The following PHTF1 variants were observed in gnomAD, a reference collection of about 807,000 sequenced individuals.
PHTF1 encodes protein PHTF1.
Under a neutral mutation model 102.4 loss-of-function variants are expected in PHTF1, and 88 were observed. That is an observed-to-expected ratio of 0.86 (90% CI 0.72 to 1.03). The LOEUF is 1.03. PHTF1 is among the 50% of genes least tolerant of loss of function. The pLI is 0.00. For synonymous variants in PHTF1, 289 were observed against 305.2 expected, an observed-to-expected ratio of 0.95 and a Z score of 0.55; for missense variants, 814 against 909.5, an observed-to-expected ratio of 0.89 and a Z score of 1.35.
At chr1:113,752,530 A>AGCTGGGACTACAGGC (rs71090730) in intron 3 of PHTF1, among the ~76,000 whole-genome samples, 114,355 of 149,150 alleles carry the variant, frequency 0.77, 44,778 homozygotes, top group African/African-American at 0.9. Flanking sequence ...CCTCCCCAGT[A>AGCTGGGACTACAGGC]GCCTGCAACC....
Position 113,711,840 on chromosome 1 carries a change from C to T in PHTF1, c.958-5G>A, listed in dbSNP as rs772639344. On this transcript the variant is annotated splice_region_variant and splice_polypyrimidine_tract_variant and intron_variant, in intron 9 of 18. Coordinates refer to ENST00000369604, the MANE Select transcript of PHTF1 (RefSeq NM_001323043.2). ...CCTTGTAGTGGTTTTCTTTACCTGC[C>T]AAAAATCAAACCAACAAGCAATAGG... 14 of 1,612,224 alleles carry T rather than the reference C, an allele frequency of 8.7e-6. 1 individual carries two copies. In the South Asian group the frequency reaches 1.5e-4, roughly 18 times the overall value.
intron 2 of PHTF1, among the ~76,000 whole-genome samples, 169 bp from the exon 3 acceptor site, chr1:113,757,924 A>C (rs1236261544): frequency 6.6e-6 from 1 of 152,230 alleles, no homozygotes; most frequent in Admixed American, 6.5e-5. Context: ...TTCCTTCAAA[A>C]ATCTAAAATA....
intron 8 of PHTF1, 132 bp downstream of exon 8, chr1:113,713,147 A>G (rs762927338): frequency 8.0e-6 from 6 of 753,718 alleles, no homozygotes; most frequent in South Asian, 6.3e-5. Context: ...TCTTCTTTTC[A>G]TATCCTGTGG....
chr1:113,706,583 T>A lies in PHTF1; in HGVS notation c.1398+11A>T. 6.4e-7 allele frequency: 1 copy of A among 1,569,778 alleles called. No homozygotes were observed. The highest frequency in any genetic ancestry group is 8.6e-7 in the Non-Finnish European group (1 of 1,165,850). On this transcript the variant is annotated intron_variant, in intron 12 of 18. Transcript: ENST00000369604. ...ATTTTTTGAAAAATCTGAAAACATA[T>A]TCAGTCTTACCCTGCTCATGATGAT... is the stretch of plus-strand genomic sequence containing the variant.
intron 7 of PHTF1, among the ~76,000 whole-genome samples, chr1:113,721,880 G>C (rs1653003620): frequency 6.6e-6 from 1 of 151,240 alleles, no homozygotes; most frequent in South Asian, 2.1e-4. Context: ...ATTTTTAGTA[G>C]AGACAGGGTT....
At chr1:113,726,387 T>C in intron 6 of PHTF1, 31 bp downstream of exon 6, 1 of 1,470,246 alleles carries the variant, frequency 6.8e-7, no homozygotes, top group Non-Finnish European at 9.4e-7. Flanking sequence ...TCCCAGAAAA[T>C]ATACAACTAC....
At chr1:113,758,362 G>T (rs904587609) in intron 2 of PHTF1, among the ~76,000 whole-genome samples, 1 of 152,002 alleles carries the variant, frequency 6.6e-6, no homozygotes, top group Admixed American at 6.5e-5. Flanking sequence ...GCACATACAG[G>T]TTTCATGTCT....
chr1:113,719,969 G>C (rs1652655106), intron 7 of PHTF1, among the ~76,000 whole-genome samples: 1 of 152,156 alleles, frequency 6.6e-6, no homozygotes, highest in South Asian at 2.1e-4. Flanking sequence ...AGCAAAAGCA[G>C]AAACTCCTGA....
intron 3 of PHTF1, among the ~76,000 whole-genome samples, chr1:113,750,562 A>C (rs1237909246): frequency 6.6e-6 from 1 of 152,150 alleles, no homozygotes; most frequent in African/African-American, 2.4e-5. Context: ...CAGTATGCTA[A>C]AGAGTAGTAA....
chr1:113,738,156 G>C lies in PHTF1; in HGVS notation c.285C>G (p.Thr95=). 1 of 1,612,392 alleles carries C rather than the reference G, an allele frequency of 6.2e-7. No homozygotes were observed. Among genetic ancestry groups the C allele is most frequent in the African/African-American group, 1.3e-5 (1 of 74,966 alleles). The change falls in exon 5 of 19, where the codon ACC becomes ACG. Residue 95 remains threonine, a synonymous_variant. Coordinates refer to ENST00000369604, the MANE Select transcript of PHTF1 (RefSeq NM_001323043.2). ...ACAGCCAAACAAAGATTCTTAAAGA[G>C]GTAACCTGAATCCACCAATTGCTGA... ...PLFSNWWIQV[T]SLRIFVWLLL...
chr1:113,737,976 G>T, intron 5 of PHTF1, 134 bp downstream of exon 5: 1 of 632,356 alleles, frequency 1.6e-6, no homozygotes, highest in Non-Finnish European at 2.8e-6. Flanking sequence ...ACCCCAAATG[G>T]CATATGTCTC....
Position 113,737,705 on chromosome 1 carries a change from G to A in PHTF1, c.331+405C>T, listed in dbSNP as rs545954280. ...TGCCAGCTACTTGGGTGGCTGAGGTGGAAGGATTGCTTGCGTCTGGGAGGT... is the reference window on the plus strand; with the variant it reads ...TGCCAGCTACTTGGGTGGCTGAGGTAGAAGGATTGCTTGCGTCTGGGAGGT... On this transcript the variant is annotated intron_variant, in intron 5 of 18. Coordinates refer to ENST00000369604, the MANE Select transcript of PHTF1 (RefSeq NM_001323043.2). Among the ~76,000 whole-genome samples the A allele has an allele frequency of 1.3e-4, 20 of 152,234 alleles. 1 individual carries two copies. In the South Asian group the frequency reaches 3.9e-3, roughly 30 times the overall value.
At chr1:113,753,388 T>C (rs539115846) in intron 3 of PHTF1, among the ~76,000 whole-genome samples, 6 of 152,270 alleles carry the variant, frequency 3.9e-5, no homozygotes, top group South Asian at 2.1e-4. Context: ...AATCAATTCC[T>C]TAGCAAAAGC....
intron 15 of PHTF1, among the ~76,000 whole-genome samples, chr1:113,701,826 TAAAAA>T (rs34844793): frequency 0.017 from 465 of 27,892 alleles, 4 homozygotes; most frequent in African/African-American, 0.05. Flanking sequence ...CAATTCCTGG[TAAAAA>T]AAAAAAAAAA....
chr1:113,719,002 CT>C (rs879612768), intron 7 of PHTF1, among the ~76,000 whole-genome samples: 69 of 147,182 alleles, frequency 4.7e-4, no homozygotes, highest in Admixed American at 5.4e-4. Flanking sequence ...TTCTTTTCTT[CT>C]TTTTTTTTTT....
At chr1:113,706,851 CTT>C (rs11363653) in intron 11 of PHTF1, 129 bp from the exon 12 acceptor site, 21,207 of 214,580 alleles carry the variant, frequency 0.099, 4 homozygotes, top group South Asian at 0.14. Context: ...TTCTTTCTTT[CTT>C]TTTTTTTTTT....
In PHTF1 at chr1:113,713,722, T is replaced by C. The variant is rs961425705; in HGVS notation, c.624-284A>G. 12 of 309,050 alleles carry C rather than the reference T, an allele frequency of 3.9e-5. No homozygotes were observed. The Admixed American group carries it at 5.0e-4, about 13-fold the overall frequency. 19.1% of individuals were successfully genotyped at this position (309,050 alleles called of 1,614,324 possible). On this transcript the variant is annotated intron_variant, in intron 7 of 18. Transcript: ENST00000369604. ...GTAGGTTCACAGTCCTCTCCACATC[T>C]TCTCAGACACAATGCAACTCCTACC...
In PHTF1 at chr1:113,698,263, C is replaced by T. The variant is rs1395567483; in HGVS notation, c.2267G>A (p.Arg756Lys). ...VISDLLGFNIRLWKIKS is the reference protein window; with the variant it reads ...VISDLLGFNIKLWKIKS ...CTACAGAGTGGTGGTGATACTTACT[C>T]TTATATTAAATCCTAGAAGATCACT... Residue 756 changes from arginine (R) to lysine (K), a missense_variant and splice_region_variant, in exon 18 of 19, where the codon AGA (arginine) becomes AAA (lysine). Transcript: ENST00000369604. The T allele has an allele frequency of 6.2e-7, 1 of 1,603,256 alleles. No individual in the cohort carries two copies.
At chr1:113,740,219 G>A (rs972108270) in intron 3 of PHTF1, among the ~76,000 whole-genome samples, 2 of 151,968 alleles carry the variant, frequency 1.3e-5, no homozygotes, top group African/African-American at 4.8e-5. Context: ...CCCTTTCTCT[G>A]CATCCTTGCC....
Sources: allele counts gnomAD v4.1 joint callset (sites outside exome capture counted in the v4.1 genomes callset), GRCh38; gene constraint gnomAD v4.1.1; transcripts MANE v1.5; gene names NCBI Gene and HGNC (gene_info 2026-07-23, HGNC 2026-07-21).